NDFIP1: variants seen among roughly 807,000 people sequenced by gnomAD.
NDFIP1 encodes NEDD4 family-interacting protein 1.
In NDFIP1, 7 loss-of-function variants were observed where a neutral mutation model predicts 28.8. The ratio of observed to expected loss-of-function variants is 0.24; its 90% CI spans 0.14 to 0.46. The LOEUF is 0.46. NDFIP1 is among the 20% of genes least tolerant of loss of function. NDFIP1 has a pLI of 0.99. For synonymous variants in NDFIP1, 92 were observed against 101.0 expected, an observed-to-expected ratio of 0.91 and a Z score of 0.53; for missense variants, 194 against 269.1, an observed-to-expected ratio of 0.72 and a Z score of 1.95.
chr5:142,118,384 C>G (rs1465573402), intron 1 of NDFIP1, among the ~76,000 whole-genome samples: 1 of 152,058 alleles, frequency 6.6e-6, no homozygotes, highest in Admixed American at 6.6e-5. Flanking sequence ...TTGGTCAGGT[C>G]TTTGTAGAAT....
intron 7 of NDFIP1, among the ~76,000 whole-genome samples, chr5:142,147,297 T>G (rs1243507422): frequency 2.6e-5 from 4 of 152,202 alleles, no homozygotes; most frequent in Non-Finnish European, 5.9e-5. Context: ...CTTTGTCCAC[T>G]GAAAGGGTAA....
In NDFIP1 at chr5:142,154,159, AAG is replaced by A. The variant is rs1197766093; in HGVS notation, c.*2434_*2435del. The A allele has an allele frequency of 6.6e-6, 1 of 152,318 alleles. No homozygotes were observed. Among genetic ancestry groups the A allele is most frequent in the Non-Finnish European group, 1.5e-5 (1 of 68,042 alleles). 9.4% of individuals were successfully genotyped at this position (152,318 alleles called of 1,614,324 possible). On this transcript the variant is annotated 3_prime_UTR_variant, in exon 8 of 8. Transcript: ENST00000253814. Reference sequence around the variant, plus strand: ...GATACGTTAATACTGATAATGGATAAAGAGTGAGTTTTTATAATAAATGGTTT... The same window carrying A: ...GATACGTTAATACTGATAATGGATAAAGTGAGTTTTTATAATAAATGGTTT...
At position 142,148,777 on chromosome 5, in the gene NDFIP1, A is replaced by AAAAAAAG. The variant is rs745772278; in HGVS notation, c.*3-2954_*3-2953insAAAAAAG. On this transcript the variant is annotated intron_variant, in intron 7 of 7. Coordinates refer to ENST00000253814, the MANE Select transcript of NDFIP1 (RefSeq NM_030571.4). The stretch of plus-strand genomic sequence containing the variant: ...AAAAAAAAAAAAAAAAAAAAAAAAA[A>AAAAAAAG]GTATGTGACTGAGGAAGCAGAAGAA... Among the ~76,000 whole-genome samples, 116 of 95,982 alleles carry AAAAAAAG rather than the reference A, an allele frequency of 1.2e-3. 27 individuals carry two copies. The highest frequency in any genetic ancestry group is 3.5e-3 in the African/African-American group (99 of 28,162). The allele number at this position is 95,982 out of a possible 152,430, so 63.0% of individuals were successfully genotyped here.
intron 7 of NDFIP1, 131 bp from the exon 8 acceptor site, chr5:142,151,600 A>G (rs896368457): frequency 2.0e-5 from 3 of 152,398 alleles, no homozygotes; most frequent in African/African-American, 7.2e-5. Flanking sequence ...GTCAGTATAC[A>G]GTAATCTTAA....
At position 142,130,555 on chromosome 5, in the gene NDFIP1, G is replaced by A. The variant is rs73287048; in HGVS notation, c.64-1253G>A. ...AAGTATACATCACTTGAGGCCAGGA[G>A]TTTTAAACCAGTCTGGGCAACACAG... On this transcript the variant is annotated intron_variant, in intron 1 of 7. Transcript: ENST00000253814. 3.2e-3 allele frequency among the ~76,000 whole-genome samples: 488 copies of A among 152,242 alleles called. 2 individuals carry two copies. The highest frequency in any genetic ancestry group is 0.011 in the African/African-American group (462 of 41,538).
At chr5:142,116,240 AGCACTGAT>A in intron 1 of NDFIP1, among the ~76,000 whole-genome samples, 1 of 152,212 alleles carries the variant, frequency 6.6e-6, no homozygotes, top group Non-Finnish European at 1.5e-5. Context: ...CCTAAATACT[AGCACTGAT>A]CAAGTTTAAG....
At chr5:142,141,843 G>A (rs1757334954) in intron 6 of NDFIP1, among the ~76,000 whole-genome samples, 1 of 152,074 alleles carries the variant, frequency 6.6e-6, no homozygotes, top group African/African-American at 2.4e-5. Context: ...ATAAATTGAG[G>A]ACCTGGGCCA....
intron 1 of NDFIP1, among the ~76,000 whole-genome samples, chr5:142,111,563 A>C (rs1249549519): frequency 1.3e-5 from 2 of 152,174 alleles, no homozygotes; most frequent in Non-Finnish European, 2.9e-5. Flanking sequence ...ACTTGATAGG[A>C]GCATGATACT....
At chr5:142,148,839 T>TA (rs1484671197) in intron 7 of NDFIP1, among the ~76,000 whole-genome samples, 2 of 149,188 alleles carry the variant, frequency 1.3e-5, no homozygotes, top group East Asian at 4.0e-4. Context: ...CCTGAAATGG[T>TA]AAAAAATGTA....
At chr5:142,140,430 A>G in intron 5 of NDFIP1, 133 bp from the exon 6 acceptor site, 2 of 648,702 alleles carry the variant, frequency 3.1e-6, no homozygotes, top group South Asian at 2.2e-5. Flanking sequence ...CCTGGGCAAC[A>G]AGAGCGAAAC....
intron 1 of NDFIP1, among the ~76,000 whole-genome samples, chr5:142,119,315 A>T (rs1351125346): frequency 6.6e-6 from 1 of 152,210 alleles, no homozygotes; most frequent in Non-Finnish European, 1.5e-5. Flanking sequence ...AGAATTATTA[A>T]CCCACACCCC....
At chr5:142,133,673 G>C (rs1757247397) in intron 3 of NDFIP1, among the ~76,000 whole-genome samples, 1 of 152,202 alleles carries the variant, frequency 6.6e-6, no homozygotes. Flanking sequence ...TTTGATACAA[G>C]TACATATTTA....
chr5:142,153,606 AG>A lies in NDFIP1; in HGVS notation c.*1879del. Reference sequence around the variant, plus strand: ...GGGAGTTTTATGGAAGTTTCTTTGAAGATTTTTTTTTTTCCATTTCGAATCA... The same window carrying A: ...GGGAGTTTTATGGAAGTTTCTTTGAAATTTTTTTTTTTCCATTTCGAATCA... On this transcript the variant is annotated 3_prime_UTR_variant, in exon 8 of 8. Transcript: ENST00000253814. 1 of 301,728 alleles carries A rather than the reference AG, an allele frequency of 3.3e-6. No homozygotes were observed. Among genetic ancestry groups the A allele is most frequent in the South Asian group, 3.0e-5 (1 of 33,682 alleles). 18.7% of individuals were successfully genotyped at this position (301,728 alleles called of 1,614,324 possible).
Position 142,152,761 on chromosome 5 carries a change from ATC to A in NDFIP1, c.*1037_*1038del, listed in dbSNP as rs1185592006. Reference sequence around the variant, plus strand: ...TAAATACAACAGAACATTAATAAATATCTCTTGTGTAGCACCTTTTACTGTAG... The same window carrying A: ...TAAATACAACAGAACATTAATAAATATCTTGTGTAGCACCTTTTACTGTAG... On this transcript the variant is annotated 3_prime_UTR_variant, in exon 8 of 8. Coordinates refer to ENST00000253814, the MANE Select transcript of NDFIP1 (RefSeq NM_030571.4). 1 of 160,026 alleles carries A rather than the reference ATC, an allele frequency of 6.2e-6. No homozygotes were observed. Among genetic ancestry groups the A allele is most frequent in the Non-Finnish European group, 1.4e-5 (1 of 72,762 alleles). The allele number at this position is 160,026 out of a possible 1,614,324, so 9.9% of individuals were successfully genotyped here.
At chr5:142,151,220 G>C (rs1757443805) in intron 7 of NDFIP1, among the ~76,000 whole-genome samples, 1 of 152,166 alleles carries the variant, frequency 6.6e-6, no homozygotes, top group Non-Finnish European at 1.5e-5. Context: ...GTACCTGTGA[G>C]TTTATCCTTG....
intron 5 of NDFIP1, among the ~76,000 whole-genome samples, chr5:142,138,989 G>A (rs776364948): frequency 8.0e-5 from 12 of 150,768 alleles, no homozygotes; most frequent in Non-Finnish European, 1.5e-4. Context: ...AGGCCGAGGC[G>A]GACAGATCAC....
chr5:142,108,979 C>T lies in NDFIP1; in HGVS notation c.5C>T (p.Ala2Val), dbSNP rs1756981973. Residue 2 changes from alanine to valine, a missense_variant, in exon 1 of 8, where the codon GCG (alanine) becomes GTG (valine). By Grantham distance (64) the Ala-to-Val change is moderately conservative. Transcript: ENST00000253814. MALALAALAAVE... is the reference protein window; with the variant it reads MVLALAALAAVE... ...TTCCCTGCTGCCGGCTGCGCCATGG[C>T]GTTGGCGTTGGCGGCGCTGGCGGCG... is the stretch of plus-strand genomic sequence containing the variant. 2 of 1,446,142 alleles carry T rather than the reference C, an allele frequency of 1.4e-6. No homozygotes were observed. Among genetic ancestry groups the T allele is most frequent in the African/African-American group, 3.0e-5 (2 of 67,644 alleles). The allele number at this position is 1,446,142 out of a possible 1,614,324, so 89.6% of individuals were successfully genotyped here.
rs1216999192 is a variant in NDFIP1, at chr5:142,153,293, G to GA, written c.*1571dup. On this transcript the variant is annotated 3_prime_UTR_variant, in exon 8 of 8. Transcript: ENST00000253814. ...TCATTTTCTATTTAAGAAATATGAA[G>GA]AAAAAATACACCAAGATGGTCAAAT... 4 of 456,122 alleles carry GA rather than the reference G, an allele frequency of 8.8e-6. No homozygotes were observed. The highest frequency in any genetic ancestry group is 1.6e-5 in the South Asian group (1 of 64,510). The allele number at this position is 456,122 out of a possible 1,614,324, so 28.3% of individuals were successfully genotyped here. A position where few individuals can be genotyped will look rare whatever the true frequency, so the allele number is the denominator to read the frequency against.
chr5:142,143,165 A>G (rs936173128), intron 6 of NDFIP1: 5 of 151,938 alleles, frequency 3.3e-5, no homozygotes, highest in Non-Finnish European at 5.9e-5. Flanking sequence ...GTTTTTTTAA[A>G]TTAGTTGCCA....
Sources: allele counts gnomAD v4.1 joint callset (sites outside exome capture counted in the v4.1 genomes callset), GRCh38; gene constraint gnomAD v4.1.1; transcripts MANE v1.5; gene names NCBI Gene and HGNC (gene_info 2026-07-23, HGNC 2026-07-21).